CEP290: variants seen among roughly 807,000 people sequenced by gnomAD.
CEP290 encodes centrosomal protein of 290 kDa.
In CEP290, 317 loss-of-function variants were observed where a neutral mutation model predicts 344.9. The observed-to-expected ratio is 0.92, with a 90% CI of 0.84 to 1.01. The LOEUF (loss-of-function observed/expected upper bound fraction) is 1.01, where lower values mean the gene tolerates loss of function less well. CEP290 is among the 50% of genes least tolerant of loss of function. The probability of loss-of-function intolerance (pLI) is 0.00; values close to 1 mark genes in which losing one functional copy is unlikely to be tolerated. For synonymous variants in CEP290, 932 were observed against 895.8 expected, an observed-to-expected ratio of 1.04 and a Z score of -0.72; for missense variants, 2,754 against 2,761.4, an observed-to-expected ratio of 1.00 and a Z score of 0.06.
Position 88,106,782 on chromosome 12 carries a change from C to T in CEP290, c.2710G>A (p.Val904Ile). The change falls in exon 25 of 54, where the codon GTA becomes ATA. Residue 904 changes from valine (V) to isoleucine (I), a missense_variant. Transcript: ENST00000552810. ...TTTCTAAGTTGTCGCTCCAATTCTA[C>T]TAAGGTTGTATATTGCCTTATAAGT... is the stretch of plus-strand genomic sequence containing the variant. Reference protein sequence around the residue: ...KSLIRQYTTLVELERQLRKEN... With the variant: ...KSLIRQYTTLIELERQLRKEN... 6.2e-7 allele frequency: 1 copy of T among 1,610,316 alleles called. No homozygotes were observed. Among genetic ancestry groups the T allele is most frequent in the Non-Finnish European group, 8.5e-7 (1 of 1,177,876 alleles).
chr12:88,071,898 T>C lies in CEP290; in HGVS notation c.5738A>G (p.Glu1913Gly). Residue 1913 changes from glutamate to glycine, a missense_variant, in exon 42 of 54, where the codon GAA (glutamate) becomes GGA (glycine). Transcript: ENST00000552810. The stretch of plus-strand genomic sequence containing the variant: ...TTTGGCTTGCCACTTTTTACCTTCT[T>C]CCCACCTAATTAATTCTTCTTTAGC... ...KNAKEELIRW[E>G]EGKKWQAKIE... 2 of 1,600,876 alleles carry C rather than the reference T, an allele frequency of 1.2e-6. No homozygotes were observed. Among genetic ancestry groups the C allele is most frequent in the South Asian group, 2.3e-5 (2 of 88,052 alleles).
Position 88,102,838 on chromosome 12 carries a change from C to T in CEP290, c.2991G>A (p.Glu997=), listed in dbSNP as rs2037995979. The part of the protein sequence containing the change: ...VQRTSNLEHL[E]CENISLKEQV... ...AGGTTCAAGAATCACACAAACTTACCTCCAGGTGTTCCAAGTTACTTGTTC... is the reference window on the plus strand; with the variant it reads ...AGGTTCAAGAATCACACAAACTTACTTCCAGGTGTTCCAAGTTACTTGTTC... The change falls in exon 26 of 54, where the codon GAG becomes GAA. Residue 997 remains glutamate (E), a splice_region_variant and synonymous_variant. Transcript: ENST00000552810. 4 of 1,608,244 alleles carry T rather than the reference C, an allele frequency of 2.5e-6. No homozygotes were observed. The highest frequency in any genetic ancestry group is 1.7e-5 in the Admixed American group (1 of 59,458).
chr12:88,083,458 C>A (rs1051010324), intron 36 of CEP290, among the ~76,000 whole-genome samples: 1 of 152,060 alleles, frequency 6.6e-6, no homozygotes, highest in South Asian at 2.1e-4. Flanking sequence ...TAAGTGTTGA[C>A]CGAATTAACG....
intron 25 of CEP290, among the ~76,000 whole-genome samples, chr12:88,104,397 T>G (rs1330239217): frequency 7.9e-5 from 12 of 152,106 alleles, no homozygotes; most frequent in African/African-American, 2.9e-4. Context: ...AGGGTATACA[T>G]GTCATGTAAC....
intron 1 of CEP290, 64 bp from the exon 2 acceptor site, chr12:88,141,398 C>T (rs1228429191): frequency 1.3e-6 from 1 of 759,388 alleles, no homozygotes; most frequent in South Asian, 2.6e-5. Context: ...TTTCTAGCAC[C>T]TTACATTTTT....
At position 88,086,390 on chromosome 12, in the gene CEP290, C is replaced by A; in HGVS notation, c.4302+1G>T. The A allele has an allele frequency of 6.3e-7, 1 of 1,576,578 alleles. No homozygotes were observed. Among genetic ancestry groups the A allele is most frequent in the Non-Finnish European group, 8.6e-7 (1 of 1,158,518 alleles). ...TAACAAACAAGATTAATCATTCATA[C>A]CTTTTGTGCCGCATTTAGTATTTCA... On this transcript the variant is annotated splice_donor_variant, in intron 33 of 53. Coordinates refer to ENST00000552810, the MANE Select transcript of CEP290 (RefSeq NM_025114.4). LOFTEE classifies it high-confidence loss of function.
intron 10 of CEP290, among the ~76,000 whole-genome samples, 175 bp from the exon 11 acceptor site, chr12:88,129,210 T>C (rs2039922340): frequency 1.3e-5 from 2 of 151,920 alleles, no homozygotes; most frequent in Non-Finnish European, 2.9e-5. Context: ...GTATTTATCA[T>C]TGAAGTCATC....
chr12:88,060,829 C>T lies in CEP290; in HGVS notation c.6522+1G>A, dbSNP rs781149893. On this transcript the variant is annotated splice_donor_variant, in intron 47 of 53. Transcript: ENST00000552810. LOFTEE classifies it high-confidence loss of function. ...AAAATGATCACATTAAAAAAAATTA[C>T]CTTCAATTTTTCATTTTCCTGCTCA... The T allele has an allele frequency of 1.3e-6, 2 of 1,504,872 alleles. No homozygotes were observed. Among genetic ancestry groups the T allele is most frequent in the Admixed American group, 5.1e-5 (2 of 39,380 alleles). 93.2% of individuals were successfully genotyped at this position (1,504,872 alleles called of 1,614,324 possible). A position where few individuals can be genotyped will look rare whatever the true frequency, so the allele number is the denominator to read the frequency against.
At position 88,059,987 on chromosome 12, in the gene CEP290, G is replaced by A; in HGVS notation, c.6556C>T (p.His2186Tyr). Reference sequence around the variant, plus strand: ...GATTCATAGTGCATGCTCAACTGATGCCCAAGATGAGCTTTAAGTTTTTCT... The same window carrying A: ...GATTCATAGTGCATGCTCAACTGATACCCAAGATGAGCTTTAAGTTTTTCT... ...ELEKLKAHLGHQLSMHYESKT... is the reference protein window; with the variant it reads ...ELEKLKAHLGYQLSMHYESKT... The change falls in exon 48 of 54, where the codon CAT becomes TAT. Residue 2186 changes from histidine (H) to tyrosine (Y), a missense_variant. Coordinates refer to ENST00000552810, the MANE Select transcript of CEP290 (RefSeq NM_025114.4). The A allele has an allele frequency of 1.3e-6, 2 of 1,572,980 alleles. No homozygotes were observed. Among genetic ancestry groups the A allele is most frequent in the Admixed American group, 1.9e-5 (1 of 52,238 alleles).
chr12:88,108,198 G>A (rs1294690724), intron 23 of CEP290, among the ~76,000 whole-genome samples: 2 of 152,060 alleles, frequency 1.3e-5, no homozygotes, highest in Non-Finnish European at 2.9e-5. Context: ...TAATGTTCTT[G>A]GCATAAACCC....
Position 88,086,137 on chromosome 12 carries a change from A to G in CEP290, c.4339T>C (p.Leu1447=). The G allele has an allele frequency of 6.2e-7, 1 of 1,613,220 alleles. No individual in the cohort carries two copies. Among genetic ancestry groups the G allele is most frequent in the South Asian group, 1.1e-5 (1 of 90,684 alleles). The part of the protein sequence containing the change: ...EATGSIPDPS[L]PLPNQLEIAL... Reference sequence around the variant, plus strand: ...ATCTCAAGTTGATTTGGAAGGGGCAAACTAGGGTCAGGGATTGATCCTGTA... The same window carrying G: ...ATCTCAAGTTGATTTGGAAGGGGCAGACTAGGGTCAGGGATTGATCCTGTA... Residue 1447 remains leucine, a synonymous_variant, in exon 34 of 54, where the codon TTG becomes CTG. Transcript: ENST00000552810.
In CEP290 at chr12:88,053,784, G is replaced by C. The variant is rs45477492; in HGVS notation, c.7035-38C>G. 0.023 allele frequency: 24,242 copies of C among 1,055,992 alleles called. 449 individuals carry two copies. The highest frequency in any genetic ancestry group is 0.078 in the African/African-American group (4,865 of 62,334). The allele number at this position is 1,055,992 out of a possible 1,614,324, so 65.4% of individuals were successfully genotyped here. A position where few individuals can be genotyped will look rare whatever the true frequency, so the allele number is the denominator to read the frequency against. The stretch of plus-strand genomic sequence containing the variant: ...GATAATGTGTTAAAAAAATAAAGCA[G>C]ATATTGCTTCATAAAATATATGGGC... On this transcript the variant is annotated intron_variant, in intron 51 of 53. Transcript: ENST00000552810.
intron 30 of CEP290, among the ~76,000 whole-genome samples, chr12:88,089,788 G>A (rs2468252): frequency 0.78 from 116,931 of 149,346 alleles, 49,722 homozygotes; most frequent in East Asian, 0.97. Flanking sequence ...GTGCAATGGC[G>A]TGATTTTGGC....
At position 88,080,268 on chromosome 12, in the gene CEP290, C is replaced by T. The variant is rs984443388; in HGVS notation, c.5140G>A (p.Ala1714Thr). The T allele has an allele frequency of 6.2e-7, 1 of 1,613,574 alleles. No homozygotes were observed. The highest frequency in any genetic ancestry group is 8.5e-7 in the Non-Finnish European group (1 of 1,179,778). The change falls in exon 38 of 54, where the codon GCA becomes ACA. Residue 1714 changes from alanine (A) to threonine (T), a missense_variant. Transcript: ENST00000552810. ...LKSELQAQKE[A>T]NSRAPTTTMR... ...GTAGTTGTTGGAGCTCTTGAATTTG[C>T]TTCTTTTTGAGCCTGAAGTTCAGAT...
intron 5 of CEP290, among the ~76,000 whole-genome samples, chr12:88,137,604 G>A (rs1222198483): frequency 6.6e-6 from 1 of 152,100 alleles, no homozygotes; most frequent in Non-Finnish European, 1.5e-5. Context: ...ATTCCATTGT[G>A]CTCTCTAAAA....
At position 88,058,846 on chromosome 12, in the gene CEP290, A is replaced by ACC. The variant is rs1060499781; in HGVS notation, c.6818_6818+1dup. 4 of 1,613,252 alleles carry ACC rather than the reference A, an allele frequency of 2.5e-6. No individual in the cohort carries two copies. The highest frequency in any genetic ancestry group is 3.4e-6 in the Non-Finnish European group (4 of 1,179,792). On this transcript the variant is annotated splice_donor_variant, in intron 49 of 53. Transcript: ENST00000552810. LOFTEE classifies it high-confidence loss of function. ...TGTACAAGTTTAAAACTCTGTTCCT[A>ACC]CCTTGTAACCACAATGGATTTCCAG... is the stretch of plus-strand genomic sequence containing the variant.
intron 44 of CEP290, among the ~76,000 whole-genome samples, chr12:88,064,379 T>C (rs1391199120): frequency 6.6e-6 from 1 of 152,132 alleles, no homozygotes; most frequent in Non-Finnish European, 1.5e-5. Flanking sequence ...CCTTCATGTA[T>C]AATTTCATAA....
rs183409899 is a variant in CEP290 at position 88,127,897 on chromosome 12, C to T, written c.942+1049G>A. Among the ~76,000 whole-genome samples the T allele has an allele frequency of 4.1e-3, 630 of 152,188 alleles. 6 individuals carry two copies. The highest frequency in any genetic ancestry group is 0.014 in the African/African-American group (600 of 41,522). ...AAAAAGAACAGCAATACTATACGTA[C>T]TGATATAAAATAATTATGAAATGGT... On this transcript the variant is annotated intron_variant, in intron 11 of 53. Transcript: ENST00000552810.
intron 15 of CEP290, 45 bp downstream of exon 15, chr12:88,120,069 T>A: frequency 7.8e-7 from 1 of 1,285,654 alleles, no homozygotes. Context: ...AAAAAAGACT[T>A]GTAAATCAGG....
Sources: allele counts gnomAD v4.1 joint callset (sites outside exome capture counted in the v4.1 genomes callset), GRCh38; gene constraint gnomAD v4.1.1; transcripts MANE v1.5; gene names NCBI Gene and HGNC (gene_info 2026-07-23, HGNC 2026-07-21).